GTF2A1L: variants seen among roughly 807,000 people sequenced by gnomAD.
GTF2A1L encodes TFIIA-alpha and beta-like factor.
A neutral mutation model predicts 49.7 loss-of-function variants in GTF2A1L; 48 were observed. That is an observed-to-expected ratio of 0.97 (90% CI 0.77 to 1.23). The LOEUF (loss-of-function observed/expected upper bound fraction) is 1.23. Among genes scored for constraint, GTF2A1L ranks in the 50% most tolerant of loss-of-function variants. The pLI, the probability that GTF2A1L is intolerant of heterozygous loss-of-function variation, is 0.00. For synonymous variants in GTF2A1L, 246 were observed against 193.5 expected (o/e 1.27, Z -2.25); for missense variants, 736 against 564.8 (o/e 1.30, Z -3.07).
chr2:48,632,248 A>C (rs1355033378), intron 3 of GTF2A1L: 1 of 152,182 alleles, frequency 6.6e-6, no homozygotes, highest in East Asian at 1.9e-4. Context: ...TATTCATCCT[A>C]GTAGTGGCTT....
chr2:48,668,125 C>T (rs1191434450), intron 6 of GTF2A1L, among the ~76,000 whole-genome samples: 1 of 152,108 alleles, frequency 6.6e-6, no homozygotes, highest in Non-Finnish European at 1.5e-5. Context: ...CTAGGTACCT[C>T]ATATAAGTGG....
chr2:48,663,465 A>G (rs1678635877), intron 6 of GTF2A1L, among the ~76,000 whole-genome samples: 5 of 152,108 alleles, frequency 3.3e-5, no homozygotes, highest in Admixed American at 3.3e-4. Context: ...CAATCAATCA[A>G]AACTGAAACT....
At chr2:48,620,175 A>G (rs1308906434) in intron 1 of GTF2A1L, among the ~76,000 whole-genome samples, 3 of 152,166 alleles carry the variant, frequency 2.0e-5, no homozygotes, top group Admixed American at 6.5e-5. Flanking sequence ...CAGAAGGTCT[A>G]TTTCTGGTTG....
chr2:48,678,797 C>T (rs1679607447), intron 8 of GTF2A1L, among the ~76,000 whole-genome samples: 1 of 151,870 alleles, frequency 6.6e-6, no homozygotes, highest in Non-Finnish European at 1.5e-5. Flanking sequence ...CTACATCTTC[C>T]CTGTTTATTC....
intron 6 of GTF2A1L, among the ~76,000 whole-genome samples, chr2:48,652,051 G>A (rs552042615): frequency 6.6e-6 from 1 of 152,240 alleles, no homozygotes; most frequent in East Asian, 1.9e-4. Context: ...TGGTGGAAGT[G>A]CTTCTGAAGA....
intron 4 of GTF2A1L, among the ~76,000 whole-genome samples, chr2:48,644,614 A>T (rs1303351414): frequency 6.6e-6 from 1 of 152,212 alleles, no homozygotes; most frequent in Admixed American, 6.5e-5. Flanking sequence ...TGCAAAAATT[A>T]TCCTCCAAAA....
intron 6 of GTF2A1L, among the ~76,000 whole-genome samples, chr2:48,653,926 A>G (rs888740604): frequency 1.9e-5 from 1 of 52,892 alleles, no homozygotes; most frequent in African/African-American, 4.3e-5. Flanking sequence ...GTCTCAAAAA[A>G]AAAAAAAAAA....
intron 3 of GTF2A1L, among the ~76,000 whole-genome samples, chr2:48,629,972 C>T (rs1441039061): frequency 7.0e-6 from 1 of 143,566 alleles, no homozygotes; most frequent in Admixed American, 7.1e-5. Context: ...TTTCATTGTT[C>T]TATGTTTATG....
intron 3 of GTF2A1L, among the ~76,000 whole-genome samples, chr2:48,623,693 A>T (rs921916361): frequency 2.6e-5 from 4 of 152,238 alleles, no homozygotes; most frequent in Non-Finnish European, 5.9e-5. Flanking sequence ...GGATAAAGAA[A>T]ATGTGGTACA....
intron 1 of GTF2A1L, 50 bp from the exon 2 acceptor site, chr2:48,620,801 A>ATAAT: frequency 1.0e-6 from 1 of 990,978 alleles, no homozygotes; most frequent in East Asian, 4.5e-5. Flanking sequence ...AAATAAATAA[A>ATAAT]TAAATAAATA....
At chr2:48,656,611 A>G (rs1452949744) in intron 6 of GTF2A1L, among the ~76,000 whole-genome samples, 1 of 152,030 alleles carries the variant, frequency 6.6e-6, no homozygotes, top group Non-Finnish European at 1.5e-5. Context: ...TATCAGATGT[A>G]TGATTTGCAA....
intron 6 of GTF2A1L, among the ~76,000 whole-genome samples, chr2:48,650,509 A>G (rs1677788532): frequency 6.6e-6 from 1 of 152,160 alleles, no homozygotes; most frequent in Non-Finnish European, 1.5e-5. Flanking sequence ...AAGAGTTTTC[A>G]TTTTTCTTCT....
At chr2:48,640,243 A>G (rs563168037) in intron 3 of GTF2A1L, among the ~76,000 whole-genome samples, 7 of 151,992 alleles carry the variant, frequency 4.6e-5, no homozygotes, top group Non-Finnish European at 1.0e-4. Flanking sequence ...GACGCATGCG[A>G]ATGTTCATTA....
Position 48,653,754 on chromosome 2 carries a change from A to G in GTF2A1L, c.978+6712A>G, listed in dbSNP as rs567843465. Among the ~76,000 whole-genome samples, 4 of 152,036 alleles carry G rather than the reference A, an allele frequency of 2.6e-5. No homozygotes were observed. In the East Asian group the frequency reaches 7.7e-4, roughly 29 times the overall value. The stretch of plus-strand genomic sequence containing the variant: ...TCAAGACCAGCCTGGCCAACATGGC[A>G]AAACCCCATCTCTACTAAAAATACA... On this transcript the variant is annotated intron_variant, in intron 6 of 8. Coordinates refer to ENST00000403751, the MANE Select transcript of GTF2A1L (RefSeq NM_006872.5).
intron 6 of GTF2A1L, among the ~76,000 whole-genome samples, chr2:48,655,713 A>T (rs990629070): frequency 1.3e-5 from 2 of 152,140 alleles, no homozygotes; most frequent in African/African-American, 4.8e-5. Flanking sequence ...TTATTTTTAA[A>T]TTATTTTTAC....
Position 48,645,056 on chromosome 2 carries a change from C to T in GTF2A1L, c.327C>T (p.Asn109=). ...AELGTSNSSA[N]FTFPGYPIHV... is the part of the protein sequence containing the mutation. ...AGGGCACTTCAAACTCCAGTGCAAA[C>T]TTTACTTTTCCTGGTTATCCCATTC... is the stretch of plus-strand genomic sequence containing the variant. The change falls in exon 5 of 9, where the codon AAC becomes AAT. Residue 109 remains asparagine (N), a synonymous_variant. Coordinates refer to ENST00000403751, the MANE Select transcript of GTF2A1L (RefSeq NM_006872.5). 6.2e-7 allele frequency: 1 copy of T among 1,612,486 alleles called. No individual in the cohort carries two copies. The highest frequency in any genetic ancestry group is 8.5e-7 in the Non-Finnish European group (1 of 1,179,422).
chr2:48,661,271 T>C (rs1678482213), intron 6 of GTF2A1L, among the ~76,000 whole-genome samples: 1 of 129,474 alleles, frequency 7.7e-6, no homozygotes, highest in Non-Finnish European at 1.7e-5. Flanking sequence ...TTTTTTTTTT[T>C]TTTTGAGACA....
chr2:48,618,947 T>C (rs1423780201), intron 1 of GTF2A1L, among the ~76,000 whole-genome samples: 4 of 152,158 alleles, frequency 2.6e-5, no homozygotes, highest in African/African-American at 9.6e-5. Context: ...ACCTAAGAGT[T>C]TTTTCCTTCG....
At chr2:48,642,058 T>C (rs1677226420) in intron 3 of GTF2A1L, among the ~76,000 whole-genome samples, 1 of 152,216 alleles carries the variant, frequency 6.6e-6, no homozygotes, top group Non-Finnish European at 1.5e-5. Context: ...CTCAATATTA[T>C]AGTCTCACGG....
Sources: gnomAD v4.1 joint callset for allele counts (sites outside exome capture counted in the v4.1 genomes callset) on GRCh38, gnomAD v4.1.1 for gene constraint, MANE v1.5 for transcripts, NCBI Gene and HGNC (gene_info 2026-07-23, HGNC 2026-07-21) for gene names.